Variants in PPP2R5C observed in about 807,000 individuals in gnomAD.
PPP2R5C encodes protein phosphatase 2 regulatory subunit B'gamma, also known as serine/threonine-protein phosphatase 2A 56 kDa regulatory subunit gamma isoform.
Under a neutral mutation model 68.9 loss-of-function variants are expected in PPP2R5C, and 7 were observed. The ratio of observed to expected loss-of-function variants is 0.10; its 90% CI spans 0.06 to 0.19. The LOEUF is 0.19. Ranked by LOEUF, PPP2R5C falls within the 10% of genes least tolerant of loss-of-function variation. The pLI, the probability that PPP2R5C is intolerant of heterozygous loss-of-function variation, is 1.00. For synonymous variants in PPP2R5C, 210 were observed against 222.2 expected, an observed-to-expected ratio of 0.95 and a Z score of 0.49; for missense variants, 348 against 641.3, an observed-to-expected ratio of 0.54 and a Z score of 4.94.
intron 1 of PPP2R5C, among the ~76,000 whole-genome samples, chr14:101,834,696 T>G (rs1157010548): frequency 6.6e-6 from 1 of 152,208 alleles, no homozygotes; most frequent in South Asian, 2.1e-4. Context: ...TTTATTAAGA[T>G]ATTAATTTGG....
rs779324359 is a variant in PPP2R5C at position 101,917,935 on chromosome 14, C to T, written c.1431C>T (p.Asp477=). The T allele has an allele frequency of 1.0e-4, 168 of 1,613,756 alleles. No individual in the cohort carries two copies. Among genetic ancestry groups the T allele is most frequent in the African/African-American group, 1.1e-4 (8 of 74,892 alleles). ...AGATGCTGAGAAAGACAGTGAAGGA[C>T]GAGGCTCATCAGGTAAAAGTGCACC... The change falls in exon 13 of 14, where the codon GAC becomes GAT. Residue 477 remains aspartate, a synonymous_variant. Coordinates refer to ENST00000334743, the Ensembl canonical transcript of PPP2R5C. The surrounding 1 kb of genome is among the most constrained non-coding windows in gnomAD (Gnocchi z 4.4).
At chr14:101,827,111 G>T (rs1444698151) in intron 1 of PPP2R5C, among the ~76,000 whole-genome samples, 1 of 151,232 alleles carries the variant, frequency 6.6e-6, no homozygotes, top group Non-Finnish European at 1.5e-5. Flanking sequence ...GAGTATCTAG[G>T]ATTACAGGTG....
chr14:101,922,821 A>G (rs1451498883), intron 13 of PPP2R5C, among the ~76,000 whole-genome samples: 1 of 152,170 alleles, frequency 6.6e-6, no homozygotes, highest in African/African-American at 2.4e-5. Flanking sequence ...CTCTAATAAA[A>G]ATAAAAAAAA....
At chr14:101,897,602 C>T (rs141593665) in intron 8 of PPP2R5C, among the ~76,000 whole-genome samples, 156 of 152,076 alleles carry the variant, frequency 1.0e-3, no homozygotes, top group African/African-American at 3.7e-3. Context: ...TCACGTTCTT[C>T]TGCCTGCTTT....
intron 1 of PPP2R5C, chr14:101,844,155 T>C (rs1230900716): frequency 3.3e-5 from 5 of 152,010 alleles, no homozygotes; most frequent in African/African-American, 1.2e-4. Flanking sequence ...TTTTTTTTTT[T>C]TTTGAGTTGA....
chr14:101,897,322 G>A (rs539173534), intron 8 of PPP2R5C, among the ~76,000 whole-genome samples: 1 of 151,686 alleles, frequency 6.6e-6, no homozygotes, highest in Non-Finnish European at 1.5e-5. Flanking sequence ...TTTTTAAACT[G>A]TATTTTCTCC....
chr14:101,860,607 A>C (rs918925656), intron 2 of PPP2R5C, among the ~76,000 whole-genome samples: 19 of 152,212 alleles, frequency 1.2e-4, no homozygotes, highest in African/African-American at 4.6e-4. Context: ...GAACTACCAG[A>C]CCGTTTTCAC....
intron 1 of PPP2R5C, among the ~76,000 whole-genome samples, chr14:101,837,547 A>G (rs1190094756): frequency 3.3e-5 from 5 of 152,234 alleles, no homozygotes; most frequent in Non-Finnish European, 1.5e-5. Context: ...TTCTCACATT[A>G]TAATGCAATA....
rs531920870 is a variant in PPP2R5C at position 101,818,992 on chromosome 14, G to C, written c.94+8956G>C. 6.5e-6 allele frequency: 10 copies of C among 1,545,108 alleles called. No individual in the cohort carries two copies. In the South Asian group the frequency reaches 1.1e-4, roughly 17 times the overall value. Reference sequence around the variant, plus strand: ...ATGAAAAAGTTATGTTTCACTCTAGGGAACAAGTCCTGAAGAACCCTCAAG... The same window carrying C: ...ATGAAAAAGTTATGTTTCACTCTAGCGAACAAGTCCTGAAGAACCCTCAAG... On this transcript the variant is annotated intron_variant, in intron 1 of 13. Coordinates refer to ENST00000334743, the Ensembl canonical transcript of PPP2R5C.
intron 2 of PPP2R5C, among the ~76,000 whole-genome samples, chr14:101,772,787 C>T (rs1389614854): frequency 6.6e-6 from 1 of 152,144 alleles, no homozygotes; most frequent in South Asian, 2.1e-4. Context: ...CAGAATGCAA[C>T]TCCGCCTCAA....
At chr14:101,820,404 C>G (rs2039979092) in intron 1 of PPP2R5C, 1 of 152,212 alleles carries the variant, frequency 6.6e-6, no homozygotes, top group Non-Finnish European at 1.5e-5. Flanking sequence ...GCAGTGTGTT[C>G]TCAGTGACCA....
intron 11 of PPP2R5C, among the ~76,000 whole-genome samples, chr14:101,911,755 G>A (rs1043639312): frequency 9.2e-5 from 14 of 151,850 alleles, no homozygotes; most frequent in African/African-American, 1.9e-4. Flanking sequence ...GTAGTAGCAC[G>A]CACCTGTAAT....
chr14:101,927,517 C>G (rs1369385343), exon 14 of PPP2R5C: 1 of 152,586 alleles, frequency 6.6e-6, no homozygotes, highest in South Asian at 2.1e-4. Flanking sequence ...TGTTTTTCTT[C>G]ATAAAGTTCT....
chr14:101,821,447 GGGTGGGTGT>G (rs2040057749), intron 1 of PPP2R5C, among the ~76,000 whole-genome samples: 2 of 102,900 alleles, frequency 1.9e-5, no homozygotes, highest in Admixed American at 2.2e-4. Flanking sequence ...GGGGGTGGGT[GGGTGGGTGT>G]GTGTGTGTGT....
At position 101,774,392 on chromosome 14, in the gene PPP2R5C, A is replaced by G. The variant is rs142594875; in HGVS notation, c.93+11422A>G. On this transcript the variant is annotated intron_variant, in intron 2 of 14. Transcript: ENST00000328724. ...CTTGTCATAACCACTCAGTTTACCAATGTTCTGCAGAGAAGGTGTGTGGGG... is the reference window on the plus strand; with the variant it reads ...CTTGTCATAACCACTCAGTTTACCAGTGTTCTGCAGAGAAGGTGTGTGGGG... Among the ~76,000 whole-genome samples, 361 of 152,286 alleles carry G rather than the reference A, an allele frequency of 2.4e-3. 2 individuals are homozygous for G. Among genetic ancestry groups the G allele is most frequent in the African/African-American group, 8.4e-3 (351 of 41,556 alleles).
intron 3 of PPP2R5C, among the ~76,000 whole-genome samples, chr14:101,791,592 G>A (rs532759705): frequency 6.6e-5 from 10 of 151,720 alleles, no homozygotes; most frequent in African/African-American, 1.5e-4. Context: ...TTTGTTATTC[G>A]TTGTAAATCT....
intron 5 of PPP2R5C, among the ~76,000 whole-genome samples, chr14:101,885,207 C>T (rs2044416061): frequency 6.6e-6 from 1 of 152,204 alleles, no homozygotes; most frequent in Admixed American, 6.5e-5. Context: ...CCAACACGGG[C>T]CTCGGGGTCC....
At chr14:101,771,222 CGTGTGTGTGT>C (rs3993402) in intron 2 of PPP2R5C, among the ~76,000 whole-genome samples, 16 of 135,490 alleles carry the variant, frequency 1.2e-4, no homozygotes, top group South Asian at 5.2e-4. Flanking sequence ...TTCTTCATCT[CGTGTGTGTGT>C]GTGTGTGTGT....
At chr14:101,852,344 A>G (rs917791726) in intron 1 of PPP2R5C, among the ~76,000 whole-genome samples, 1 of 152,114 alleles carries the variant, frequency 6.6e-6, no homozygotes, top group Admixed American at 6.5e-5. Context: ...CTCCCAGCCT[A>G]CTTTAAAGGA....
Sources: gnomAD v4.1 joint callset for allele counts (sites outside exome capture counted in the v4.1 genomes callset) on GRCh38, gnomAD v4.1.1 for gene constraint, Gnocchi (gnomAD v3.1) non-coding constraint, MANE v1.5 for transcripts, NCBI Gene and HGNC (gene_info 2026-07-23, HGNC 2026-07-21) for gene names.